The following LRP1B variants were observed in gnomAD, a reference collection of about 807,000 sequenced individuals.
The protein encoded by LRP1B is low-density lipoprotein receptor-related protein 1B.
Under a neutral mutation model 556.6 loss-of-function variants are expected in LRP1B, and 217 were observed. That is an observed-to-expected ratio of 0.39 (90% CI 0.35 to 0.44). The LOEUF is 0.44. Ranked by LOEUF, LRP1B falls within the 20% of genes least tolerant of loss-of-function variation. The pLI is 1.00. For synonymous variants in LRP1B, 2,047 were observed against 1,865.8 expected (o/e 1.10, Z -2.50); for missense variants, 5,053 against 5,620.8 (o/e 0.90, Z 3.23).
chr2:141,396,844 C>T (rs1690252654), intron 3 of LRP1B, among the ~76,000 whole-genome samples: 2 of 151,850 alleles, frequency 1.3e-5, no homozygotes, highest in Admixed American at 6.6e-5. Context: ...GATGCGTGGC[C>T]GGGCACAACG....
chr2:140,781,452 C>T (rs6755302), intron 32 of LRP1B, among the ~76,000 whole-genome samples: 62,889 of 152,014 alleles, frequency 0.41, 13,249 homozygotes, highest in African/African-American at 0.48. Context: ...TTTCTAATTC[C>T]AGTCTTATCA....
At chr2:140,481,592 T>G (rs567325848) in intron 59 of LRP1B, among the ~76,000 whole-genome samples, 228 of 137,052 alleles carry the variant, frequency 1.7e-3, no homozygotes, top group African/African-American at 5.3e-3. Flanking sequence ...TTATTATTAT[T>G]ATTATTATTA....
intron 43 of LRP1B, 145 bp from the exon 44 acceptor site, chr2:140,542,116 A>G: frequency 3.7e-6 from 2 of 533,750 alleles, no homozygotes; most frequent in East Asian, 2.9e-5. Flanking sequence ...ATTTTACTAA[A>G]TGAATTATGA....
chr2:141,172,915 A>G (rs1002904976), intron 7 of LRP1B, among the ~76,000 whole-genome samples: 1 of 152,010 alleles, frequency 6.6e-6, no homozygotes, highest in Middle Eastern at 3.2e-3. Context: ...CAGTAGTTCT[A>G]TTTTCTAACT....
intron 43 of LRP1B, among the ~76,000 whole-genome samples, chr2:140,587,092 A>G (rs1435724704): frequency 6.6e-6 from 1 of 152,194 alleles, no homozygotes; most frequent in Non-Finnish European, 1.5e-5. Context: ...TAAACTCAAC[A>G]GCAGAATGGA....
intron 1 of LRP1B, among the ~76,000 whole-genome samples, chr2:141,934,911 T>C (rs7587996): frequency 1.1e-4 from 17 of 152,190 alleles, no homozygotes; most frequent in Non-Finnish European, 2.1e-4. Flanking sequence ...GAAAACAGAC[T>C]AATACACCCA....
At chr2:141,554,559 C>T (rs1685892250) in intron 2 of LRP1B, among the ~76,000 whole-genome samples, 1 of 151,660 alleles carries the variant, frequency 6.6e-6, no homozygotes. Context: ...GAAAGACATA[C>T]TTGGATTAAG....
intron 1 of LRP1B, among the ~76,000 whole-genome samples, chr2:142,096,728 T>C (rs573075491): frequency 2.0e-5 from 3 of 151,698 alleles, no homozygotes; most frequent in Non-Finnish European, 4.4e-5. Context: ...TATTTATTTA[T>C]TAAACTTGTA....
Position 140,501,612 on chromosome 2 carries a change from A to G in LRP1B, c.8850+75T>C. 4 of 1,092,746 alleles carry G rather than the reference A, an allele frequency of 3.7e-6. No individual in the cohort carries two copies. In the South Asian group the frequency reaches 6.7e-5, roughly 18 times the overall value. The allele number at this position is 1,092,746 out of a possible 1,614,324, so 67.7% of individuals were successfully genotyped here. On this transcript the variant is annotated intron_variant, in intron 55 of 90. Coordinates refer to ENST00000389484, the MANE Select transcript of LRP1B (RefSeq NM_018557.3). ...ATGATGGCTTTTAACTTTTTCATCTATATTGGATTAAATAGCTTTCTTAAC... is the reference window on the plus strand; with the variant it reads ...ATGATGGCTTTTAACTTTTTCATCTGTATTGGATTAAATAGCTTTCTTAAC...
chr2:142,114,659 C>A (rs889083609), intron 1 of LRP1B, among the ~76,000 whole-genome samples: 17 of 151,988 alleles, frequency 1.1e-4, no homozygotes, highest in African/African-American at 4.1e-4. Flanking sequence ...GGGAAATAAG[C>A]CAGGCCCAAA....
intron 2 of LRP1B, among the ~76,000 whole-genome samples, chr2:141,555,789 T>C (rs182874451): frequency 0.014 from 2,131 of 151,992 alleles, 28 homozygotes; most frequent in Non-Finnish European, 0.02. Context: ...TTATATATAT[T>C]CTACATCTTT....
chr2:141,965,622 G>A (rs1701536586), intron 1 of LRP1B, among the ~76,000 whole-genome samples: 1 of 121,066 alleles, frequency 8.3e-6, no homozygotes, highest in African/African-American at 3.1e-5. Context: ...GGGAGGGATA[G>A]CATTGGGAGA....
intron 7 of LRP1B, among the ~76,000 whole-genome samples, chr2:141,097,412 C>T (rs1341385290): frequency 6.6e-6 from 1 of 151,706 alleles, no homozygotes; most frequent in Non-Finnish European, 1.5e-5. Context: ...TGAACGGATG[C>T]CACTTCAAAG....
intron 2 of LRP1B, among the ~76,000 whole-genome samples, chr2:141,720,648 G>T (rs1240803210): frequency 6.6e-6 from 1 of 151,944 alleles, no homozygotes; most frequent in Non-Finnish European, 1.5e-5. Context: ...TAAAATCCGT[G>T]ACCTCTTCAC....
In LRP1B at chr2:141,989,009, T is replaced by A. The variant is rs550265221; in HGVS notation, c.82+141639A>T. The stretch of plus-strand genomic sequence containing the variant: ...TCACCTATCAGTAATACCAAACTAA[T>A]TTACTTTAAAATGATAAATTTTCAT... On this transcript the variant is annotated intron_variant, in intron 1 of 90. Transcript: ENST00000389484. 6.6e-5 allele frequency among the ~76,000 whole-genome samples: 10 copies of A among 152,168 alleles called. 1 individual carries two copies. The East Asian group carries it at 1.7e-3, about 26-fold the overall frequency.
At chr2:141,201,273 C>T (rs1682003429) in intron 6 of LRP1B, among the ~76,000 whole-genome samples, 2 of 152,132 alleles carry the variant, frequency 1.3e-5, no homozygotes, top group South Asian at 2.1e-4. Context: ...GACAAAATGT[C>T]GTACTAAGGA....
Position 141,476,673 on chromosome 2 carries a change from G to C in LRP1B, c.343+3723C>G, listed in dbSNP as rs1682717673. Reference sequence around the variant, plus strand: ...ATCTTTTCATTATCTTTACTAGAAAGATATTGACTTTTCTAGGAAATATTC... The same window carrying C: ...ATCTTTTCATTATCTTTACTAGAAACATATTGACTTTTCTAGGAAATATTC... On this transcript the variant is annotated intron_variant, in intron 3 of 90. Transcript: ENST00000389484. 2.0e-5 allele frequency among the ~76,000 whole-genome samples: 3 copies of C among 152,196 alleles called. No individual in the cohort carries two copies. In the South Asian group the frequency reaches 6.2e-4, roughly 32 times the overall value.
intron 20 of LRP1B, among the ~76,000 whole-genome samples, chr2:140,940,475 A>G (rs998050700): frequency 6.6e-6 from 1 of 152,150 alleles, no homozygotes; most frequent in Non-Finnish European, 1.5e-5. Context: ...ATGACTTATA[A>G]GAAAAGACTG....
At chr2:140,756,571 A>G (rs1361207451) in intron 35 of LRP1B, among the ~76,000 whole-genome samples, 2 of 152,166 alleles carry the variant, frequency 1.3e-5, no homozygotes, top group Non-Finnish European at 2.9e-5. Context: ...AGATAATTTA[A>G]TAGTGGAAAG....
Sources: gnomAD v4.1 joint callset for allele counts (sites outside exome capture counted in the v4.1 genomes callset) on GRCh38, gnomAD v4.1.1 for gene constraint, MANE v1.5 for transcripts, NCBI Gene and HGNC (gene_info 2026-07-23, HGNC 2026-07-21) for gene names.